The following SEMA3C variants were observed in gnomAD, a reference collection of about 807,000 sequenced individuals.
The protein encoded by SEMA3C is semaphorin-3C.
Under a neutral mutation model 89.4 loss-of-function variants are expected in SEMA3C, and 47 were observed. That is an observed-to-expected ratio of 0.53 (90% CI 0.42 to 0.67). The LOEUF (loss-of-function observed/expected upper bound fraction) is 0.67, where lower values mean the gene tolerates loss of function less well. SEMA3C is among the 30% of genes least tolerant of loss of function. The probability of loss-of-function intolerance (pLI) is 0.00; values close to 1 mark genes in which losing one functional copy is unlikely to be tolerated. For synonymous variants in SEMA3C, 310 were observed against 320.2 expected, an observed-to-expected ratio of 0.97 and a Z score of 0.34; for missense variants, 839 against 929.1, an observed-to-expected ratio of 0.90 and a Z score of 1.26.
chr7:80,889,782 A>G (rs369605354), intron 2 of SEMA3C, among the ~76,000 whole-genome samples: 4 of 152,254 alleles, frequency 2.6e-5, no homozygotes, highest in Admixed American at 2.0e-4. Context: ...CTCCCAAATA[A>G]TGCCTAATGA....
intron 2 of SEMA3C, among the ~76,000 whole-genome samples, chr7:80,836,927 T>G (rs1399725236): frequency 6.6e-6 from 1 of 152,178 alleles, no homozygotes; most frequent in African/African-American, 2.4e-5. Context: ...ATATGGCTGC[T>G]CTACTTTTAA....
At chr7:80,745,616 CTT>C (rs1787783351) in intron 17 of SEMA3C, among the ~76,000 whole-genome samples, 1 of 151,952 alleles carries the variant, frequency 6.6e-6, no homozygotes, top group Non-Finnish European at 1.5e-5. Context: ...AAGCACAAAA[CTT>C]TGGTTGCCTT....
intron 17 of SEMA3C, among the ~76,000 whole-genome samples, 170 bp downstream of exon 17, chr7:80,748,728 T>A (rs568534707): frequency 7.9e-5 from 12 of 152,152 alleles, no homozygotes; most frequent in Non-Finnish European, 1.6e-4. Flanking sequence ...AATTAATCCA[T>A]CAATTCTTAA....
At chr7:80,914,056 G>A (rs1792215301) in intron 2 of SEMA3C, among the ~76,000 whole-genome samples, 1 of 152,140 alleles carries the variant, frequency 6.6e-6, no homozygotes, top group Non-Finnish European at 1.5e-5. Context: ...GTAATTACGA[G>A]AGAATCTAAA....
chr7:80,850,271 C>A (rs2115931986), intron 2 of SEMA3C, among the ~76,000 whole-genome samples: 1 of 152,154 alleles, frequency 6.6e-6, no homozygotes. Flanking sequence ...TGTATATATA[C>A]CAATGACCCC....
intron 14 of SEMA3C, among the ~76,000 whole-genome samples, chr7:80,759,722 A>G (rs1276184302): frequency 6.6e-6 from 1 of 152,198 alleles, no homozygotes; most frequent in Non-Finnish European, 1.5e-5. Context: ...ACTCTACTAC[A>G]TCTAATAATT....
chr7:80,750,471 T>TATATATAC (rs1787905086), intron 16 of SEMA3C, among the ~76,000 whole-genome samples: 2 of 52,394 alleles, frequency 3.8e-5, no homozygotes, highest in African/African-American at 1.6e-4. Flanking sequence ...TATATATATA[T>TATATATAC]ATACACACAC....
chr7:80,869,098 T>C (rs994501159), intron 2 of SEMA3C, among the ~76,000 whole-genome samples: 3 of 152,196 alleles, frequency 2.0e-5, no homozygotes, highest in African/African-American at 7.2e-5. Flanking sequence ...CAATGAGGAT[T>C]GTGGCGATTT....
At position 80,751,295 on chromosome 7, in the gene SEMA3C, G is replaced by A. The variant is rs200514814; in HGVS notation, c.1685C>T (p.Thr562Ile). The A allele has an allele frequency of 6.8e-5, 110 of 1,613,920 alleles. 1 individual carries two copies. In the East Asian group the frequency reaches 2.4e-3, roughly 35 times the overall value. The part of the protein sequence containing the change: ...RQDVRHGNPL[T>I]QCRGFNLKAY... ...TTTTAGATTAAATCCTCTGCATTGA[G>A]TCAGTGGGTTTCCATGTCTCACATC... The change falls in exon 16 of 18, where the codon ACT (threonine) becomes ATT (isoleucine). Residue 562 changes from threonine to isoleucine, a missense_variant. Thr to Ile is a moderately conservative substitution (Grantham distance 89). Transcript: ENST00000265361.
chr7:80,863,672 TACACAC>T (rs1465122951), intron 2 of SEMA3C, among the ~76,000 whole-genome samples: 13 of 143,524 alleles, frequency 9.1e-5, no homozygotes, highest in African/African-American at 3.6e-4. Flanking sequence ...TATATATATA[TACACAC>T]ATATATATAC....
intron 12 of SEMA3C, among the ~76,000 whole-genome samples, chr7:80,776,209 T>C (rs536699767): frequency 4.7e-5 from 7 of 150,202 alleles, no homozygotes; most frequent in African/African-American, 1.7e-4. Flanking sequence ...CCCTCAGGAG[T>C]AGATAACAAT....
At chr7:80,864,313 T>C (rs1192183818) in intron 2 of SEMA3C, among the ~76,000 whole-genome samples, 1 of 151,918 alleles carries the variant, frequency 6.6e-6, no homozygotes, top group Admixed American at 6.6e-5. Context: ...AGGTGATGGG[T>C]GCACCAGAAT....
At chr7:80,838,515 G>A (rs1229271206) in intron 2 of SEMA3C, among the ~76,000 whole-genome samples, 1 of 152,134 alleles carries the variant, frequency 6.6e-6, no homozygotes, top group Non-Finnish European at 1.5e-5. Context: ...TAATACAACT[G>A]TGTATTTTCT....
chr7:80,755,992 C>T (rs965250793), intron 15 of SEMA3C, among the ~76,000 whole-genome samples: 1 of 152,094 alleles, frequency 6.6e-6, no homozygotes, highest in East Asian at 1.9e-4. Context: ...CTACGAGACT[C>T]CTGGTTTAAA....
intron 12 of SEMA3C, among the ~76,000 whole-genome samples, chr7:80,776,042 G>T (rs1418591553): frequency 6.6e-6 from 1 of 152,010 alleles, no homozygotes; most frequent in Non-Finnish European, 1.5e-5. Context: ...GATCTACAAA[G>T]ATTACTTTAC....
At chr7:80,858,202 A>T (rs1241840677) in intron 2 of SEMA3C, among the ~76,000 whole-genome samples, 1 of 152,176 alleles carries the variant, frequency 6.6e-6, no homozygotes. Context: ...GGTGAGTTTT[A>T]CAAAAACAGG....
rs560597929 is a variant in SEMA3C, at chr7:80,815,800, G to A, written c.447+2499C>T. On this transcript the variant is annotated intron_variant, in intron 5 of 17. Coordinates refer to ENST00000265361, the MANE Select transcript of SEMA3C (RefSeq NM_006379.5). ...CCTGTGATATTCTTGGTCAGTCTAA[G>A]GTAAAGTTATCTGCTTGATAAGGGT... is the stretch of plus-strand genomic sequence containing the variant. 1.2e-3 allele frequency: 188 copies of A among 152,114 alleles called. 1 individual carries two copies. The highest frequency in any genetic ancestry group is 3.9e-3 in the African/African-American group (163 of 41,516). 9.4% of individuals were successfully genotyped at this position (152,114 alleles called of 1,614,324 possible). A position where few individuals can be genotyped will look rare whatever the true frequency, so the allele number is the denominator to read the frequency against.
intron 2 of SEMA3C, among the ~76,000 whole-genome samples, chr7:80,898,523 G>A (rs1488188847): frequency 1.3e-5 from 2 of 152,088 alleles, no homozygotes; most frequent in Non-Finnish European, 2.9e-5. Context: ...ATTATTGTAT[G>A]TATAAAAATA....
intron 7 of SEMA3C, among the ~76,000 whole-genome samples, chr7:80,804,713 G>C (rs527771746): frequency 6.6e-6 from 1 of 152,132 alleles, no homozygotes; most frequent in Admixed American, 6.5e-5. Flanking sequence ...AGCGTCATTA[G>C]TCATTTGGAG....
Sources: allele counts gnomAD v4.1 joint callset (sites outside exome capture counted in the v4.1 genomes callset), GRCh38; gene constraint gnomAD v4.1.1; transcripts MANE v1.5; gene names NCBI Gene and HGNC (gene_info 2026-07-23, HGNC 2026-07-21).